The following THSD7B variants were observed in gnomAD, a reference collection of about 807,000 sequenced individuals.
THSD7B encodes the protein thrombospondin type 1 domain containing 7B, also known as thrombospondin type-1 domain-containing protein 7B.
In THSD7B, 138 loss-of-function variants were observed where a neutral mutation model predicts 213.6. The observed-to-expected ratio is 0.65, with a 90% CI of 0.56 to 0.74. THSD7B has a LOEUF of 0.74. Ranked by LOEUF, THSD7B falls within the 30% of genes least tolerant of loss-of-function variation. The pLI is 0.00. For synonymous variants in THSD7B, 742 were observed against 687.0 expected (o/e 1.08, Z -1.25); for missense variants, 1,931 against 1,991.5 (o/e 0.97, Z 0.58).
At chr2:137,610,562 C>T (rs10164799) in intron 17 of THSD7B, among the ~76,000 whole-genome samples, 3,741 of 152,148 alleles carry the variant, frequency 0.025, 137 homozygotes, top group African/African-American at 0.079. Context: ...ACTTCACATT[C>T]GGTCACAAAG....
In THSD7B at chr2:137,405,787, G is replaced by C. The variant is rs535496351; in HGVS notation, c.2675G>C (p.Ser892Thr). The change falls in exon 13 of 28, where the codon AGT becomes ACT. Residue 892 changes from serine (S) to threonine (T), a missense_variant. Transcript: ENST00000409968. ...PCSTNCEATK[S>T]RRRQLTGKSR... ...TCCACGAACTGTGAAGCCACAAAAA[G>C]TAGGCGGCGACAGCTCACAGGTATA... The C allele has an allele frequency of 1.9e-6, 3 of 1,612,522 alleles. 1 individual carries two copies. In the East Asian group the frequency reaches 6.7e-5, roughly 36 times the overall value.
intron 1 of THSD7B, among the ~76,000 whole-genome samples, chr2:136,780,300 T>C (rs1358094691): frequency 6.6e-6 from 1 of 151,974 alleles, no homozygotes; most frequent in Non-Finnish European, 1.5e-5. Context: ...GAGAACCCAC[T>C]CTCACAGCCC....
intron 17 of THSD7B, among the ~76,000 whole-genome samples, chr2:137,572,873 T>C (rs1199891793): frequency 6.6e-6 from 1 of 151,986 alleles, no homozygotes; most frequent in African/African-American, 2.4e-5. Context: ...ACAAAATGAT[T>C]CTCCTTATAA....
intron 5 of THSD7B, among the ~76,000 whole-genome samples, chr2:137,127,944 A>G (rs533105884): frequency 1.3e-5 from 2 of 152,098 alleles, no homozygotes; most frequent in Non-Finnish European, 2.9e-5. Context: ...AAATAAAAAA[A>G]CCAAAAAGCC....
chr2:136,971,639 T>TACATACACAC (rs1685405823), intron 2 of THSD7B, among the ~76,000 whole-genome samples: 1 of 135,306 alleles, frequency 7.4e-6, no homozygotes, highest in Admixed American at 7.6e-5. Context: ...CAACAACAAA[T>TACATACACAC]ACACACACAC....
chr2:137,672,951 A>T (rs1167178558), intron 27 of THSD7B, among the ~76,000 whole-genome samples: 1 of 152,142 alleles, frequency 6.6e-6, no homozygotes, highest in African/African-American at 2.4e-5. Flanking sequence ...GTTAACCTAG[A>T]TGTAGCACCT....
intron 1 of THSD7B, among the ~76,000 whole-genome samples, chr2:136,765,996 C>G (rs570698109): frequency 6.6e-6 from 1 of 152,194 alleles, no homozygotes; most frequent in Admixed American, 6.5e-5. Flanking sequence ...GCAACGGGAC[C>G]GAACCTTGGG....
intron 1 of THSD7B, among the ~76,000 whole-genome samples, chr2:136,809,300 A>G (rs1008922716): frequency 3.9e-5 from 6 of 152,140 alleles, no homozygotes; most frequent in African/African-American, 9.7e-5. Flanking sequence ...GTCCTAAGGG[A>G]TGAACATTAG....
Position 137,430,924 on chromosome 2 carries a change from C to T in THSD7B, c.2959+19052C>T, listed in dbSNP as rs1305216665. Among the ~76,000 whole-genome samples, 4 of 152,056 alleles carry T rather than the reference C, an allele frequency of 2.6e-5. No homozygotes were observed. The South Asian group carries it at 8.3e-4, about 32-fold the overall frequency. ...TGATGACATTAACACGGGTAAATAT[C>T]CAGCTGGTGAGAGGAAAACAAAGAA... On this transcript the variant is annotated intron_variant, in intron 14 of 27. Transcript: ENST00000409968.
At chr2:137,011,647 C>T (rs1686232825) in intron 2 of THSD7B, among the ~76,000 whole-genome samples, 1 of 152,176 alleles carries the variant, frequency 6.6e-6, no homozygotes, top group African/African-American at 2.4e-5. Flanking sequence ...GTGTCTCCAG[C>T]AGGTGCTTCT....
chr2:137,010,200 C>T (rs1558885738), intron 2 of THSD7B, among the ~76,000 whole-genome samples: 1 of 152,178 alleles, frequency 6.6e-6, no homozygotes, highest in South Asian at 2.1e-4. Context: ...GAATCATGTG[C>T]AGAAACCCTC....
chr2:137,315,374 A>G (rs1005091998), intron 12 of THSD7B, among the ~76,000 whole-genome samples: 13 of 152,114 alleles, frequency 8.5e-5, no homozygotes, highest in East Asian at 1.9e-4. Context: ...GCTCATGCAC[A>G]GTGCGCGCAC....
intron 1 of THSD7B, among the ~76,000 whole-genome samples, chr2:136,806,816 T>C (rs1682290835): frequency 1.3e-5 from 2 of 152,246 alleles, no homozygotes; most frequent in African/African-American, 4.8e-5. Context: ...ACATTACATT[T>C]AGTCTTCATG....
chr2:136,939,195 T>C (rs1684779469), intron 2 of THSD7B, among the ~76,000 whole-genome samples: 1 of 152,194 alleles, frequency 6.6e-6, no homozygotes. Context: ...TTGACTTGCT[T>C]CACTGACTCA....
intron 15 of THSD7B, among the ~76,000 whole-genome samples, chr2:137,486,979 G>A (rs993935410): frequency 6.6e-6 from 1 of 152,084 alleles, no homozygotes; most frequent in African/African-American, 2.4e-5. Flanking sequence ...GAATCTCTGG[G>A]ACACATTCAA....
intron 15 of THSD7B, among the ~76,000 whole-genome samples, chr2:137,500,003 G>T (rs1679663687): frequency 6.6e-6 from 1 of 152,080 alleles, no homozygotes; most frequent in African/African-American, 2.4e-5. Context: ...CGATGATAAA[G>T]GACTATAGCA....
chr2:137,246,930 C>A (rs996674240), intron 10 of THSD7B, among the ~76,000 whole-genome samples: 8 of 152,158 alleles, frequency 5.3e-5, no homozygotes, highest in Non-Finnish European at 1.0e-4. Context: ...CTCATCCCAG[C>A]CCGCCCAGTC....
At chr2:136,796,854 T>A (rs1211700120) in intron 1 of THSD7B, among the ~76,000 whole-genome samples, 3 of 151,906 alleles carry the variant, frequency 2.0e-5, no homozygotes, top group Non-Finnish European at 2.9e-5. Flanking sequence ...AATTTAAAAT[T>A]ATAAACATAA....
chr2:136,989,366 C>A (rs1456730614), intron 2 of THSD7B, among the ~76,000 whole-genome samples: 1 of 152,156 alleles, frequency 6.6e-6, no homozygotes, highest in East Asian at 1.9e-4. Context: ...TGAGTGAATT[C>A]TCACTCTGAG....
Sources: allele counts gnomAD v4.1 joint callset (sites outside exome capture counted in the v4.1 genomes callset), GRCh38; gene constraint gnomAD v4.1.1; transcripts MANE v1.5; gene names NCBI Gene and HGNC (gene_info 2026-07-23, HGNC 2026-07-21).